The following CSMD1 variants were observed in gnomAD, a reference collection of about 807,000 sequenced individuals.
CSMD1 encodes the protein CUB and sushi domain-containing protein 1.
A neutral mutation model predicts 417.5 loss-of-function variants in CSMD1; 213 were observed. The ratio of observed to expected loss-of-function variants is 0.51; its 90% CI spans 0.46 to 0.57. The LOEUF is 0.57. CSMD1 is among the 20% of genes least tolerant of loss of function. The pLI, the probability that CSMD1 is intolerant of heterozygous loss-of-function variation, is 0.00. For synonymous variants in CSMD1, 2,862 were observed against 1,736.8 expected (o/e 1.65, Z -16.11); for missense variants, 6,923 against 4,529.7 (o/e 1.53, Z -15.17).
At chr8:4,133,076 C>T (rs1207856931) in intron 3 of CSMD1, among the ~76,000 whole-genome samples, 2 of 152,064 alleles carry the variant, frequency 1.3e-5, no homozygotes, top group Non-Finnish European at 2.9e-5. Context: ...GTTGGGACTA[C>T]AGGTGTACGC....
intron 3 of CSMD1, among the ~76,000 whole-genome samples, chr8:4,156,324 C>T (rs114481164): frequency 2.5e-4 from 38 of 152,162 alleles, no homozygotes; most frequent in African/African-American, 9.2e-4. Flanking sequence ...CTCTGAACGG[C>T]CGTGCAAAGT....
At chr8:4,118,992 C>T (rs543778487) in intron 3 of CSMD1, among the ~76,000 whole-genome samples, 197 of 152,150 alleles carry the variant, frequency 1.3e-3, no homozygotes, top group African/African-American at 3.3e-3. Context: ...AACACAAGAA[C>T]GGCAAACCAA....
intron 49 of CSMD1, among the ~76,000 whole-genome samples, chr8:3,058,531 G>A (rs1812385686): frequency 6.6e-6 from 1 of 152,282 alleles, no homozygotes; most frequent in South Asian, 2.1e-4. Context: ...CATATAAGGT[G>A]CTAAGACAGG....
At chr8:3,544,728 G>A (rs554160876) in intron 10 of CSMD1, among the ~76,000 whole-genome samples, 4 of 152,112 alleles carry the variant, frequency 2.6e-5, no homozygotes, top group African/African-American at 9.7e-5. Flanking sequence ...GGTTCAGGGA[G>A]ACCAGGATGC....
chr8:4,922,316 T>A (rs1806553208), intron 1 of CSMD1, among the ~76,000 whole-genome samples: 1 of 152,308 alleles, frequency 6.6e-6, no homozygotes, highest in South Asian at 2.1e-4. Flanking sequence ...TTACATAACC[T>A]ATCCCTGTCC....
intron 7 of CSMD1, among the ~76,000 whole-genome samples, chr8:3,622,289 G>C (rs1349837348): frequency 6.6e-6 from 1 of 152,158 alleles, no homozygotes; most frequent in Non-Finnish European, 1.5e-5. Flanking sequence ...TATTGCTGTG[G>C]CAAATTAAAA....
chr8:4,662,199 C>T (rs1032402850), intron 1 of CSMD1, among the ~76,000 whole-genome samples: 10 of 152,020 alleles, frequency 6.6e-5, no homozygotes, highest in Non-Finnish European at 1.5e-4. Context: ...GTCTAATAAC[C>T]TGACATGTTT....
rs1445640249 is a variant in CSMD1, at chr8:3,131,346, TAAAAGAAAA to T, written c.6241+11110_6241+11118del. Among the ~76,000 whole-genome samples the T allele has an allele frequency of 9.3e-5, 12 of 128,522 alleles. No homozygotes were observed. The East Asian group carries it at 1.6e-3, about 17-fold the overall frequency. The allele number at this position is 128,522 out of a possible 152,430, so 84.3% of individuals were successfully genotyped here. ...TACCCTAAAACTTAAAGTATAATAA[TAAAAGAAAA>T]AAAAGAAAAAATAAATAAATAAAAT... On this transcript the variant is annotated intron_variant, in intron 41 of 69. Coordinates refer to ENST00000635120, the MANE Select transcript of CSMD1 (RefSeq NM_033225.6).
chr8:3,510,370 C>T (rs1038393485), intron 10 of CSMD1, among the ~76,000 whole-genome samples: 1 of 151,844 alleles, frequency 6.6e-6, no homozygotes, highest in African/African-American at 2.4e-5. Flanking sequence ...AGAGAAAGCA[C>T]ATGGGTACTT....
chr8:4,015,677 A>AC (rs887558629), intron 4 of CSMD1, among the ~76,000 whole-genome samples: 1 of 151,188 alleles, frequency 6.6e-6, no homozygotes, highest in African/African-American at 2.4e-5. Flanking sequence ...AAAAAAAAAA[A>AC]AAAAAACTCA....
intron 52 of CSMD1, among the ~76,000 whole-genome samples, chr8:3,007,851 G>A (rs113909663): frequency 6.6e-6 from 1 of 151,502 alleles, no homozygotes; most frequent in Admixed American, 6.6e-5. Flanking sequence ...CAGTGCACCA[G>A]CATGGCACAT....
intron 3 of CSMD1, among the ~76,000 whole-genome samples, chr8:4,045,622 T>C (rs182514863): frequency 3.3e-5 from 5 of 152,298 alleles, no homozygotes; most frequent in East Asian, 3.9e-4. Flanking sequence ...AGCTGCAACA[T>C]AGAAAAGGGG....
Position 3,142,660 on chromosome 8 carries a change from A to G in CSMD1, c.6046T>C (p.Phe2016Leu), listed in dbSNP as rs1364384372. The G allele has an allele frequency of 6.2e-7, 1 of 1,612,272 alleles. No individual in the cohort carries two copies. Among genetic ancestry groups the G allele is most frequent in the African/African-American group, 1.3e-5 (1 of 74,896 alleles). Reference protein sequence around the residue: ...LPIGYGAHIQFLNFSTEANHD... With the variant: ...LPIGYGAHIQLLNFSTEANHD... ...TTAGCTTCGGTAGAAAAATTCAGAAACTGAATATGTGCACCTATGGAAAAA... is the reference window on the plus strand; with the variant it reads ...TTAGCTTCGGTAGAAAAATTCAGAAGCTGAATATGTGCACCTATGGAAAAA... The change falls in exon 41 of 70, where the codon TTT (phenylalanine) becomes CTT (leucine). Residue 2016 changes from phenylalanine to leucine, a missense_variant. Transcript: ENST00000635120.
chr8:4,152,803 C>A (rs764739899), intron 3 of CSMD1, among the ~76,000 whole-genome samples: 2 of 152,010 alleles, frequency 1.3e-5, no homozygotes, highest in Non-Finnish European at 2.9e-5. Context: ...GGAATATACA[C>A]ACATACACGT....
intron 1 of CSMD1, among the ~76,000 whole-genome samples, chr8:4,931,362 T>C (rs1045775072): frequency 3.9e-5 from 6 of 152,202 alleles, no homozygotes; most frequent in African/African-American, 1.4e-4. Flanking sequence ...TTAGGCATAA[T>C]CATGTAACTC....
chr8:3,929,886 C>G (rs1163903831), intron 5 of CSMD1, among the ~76,000 whole-genome samples: 1 of 150,020 alleles, frequency 6.7e-6, no homozygotes, highest in Non-Finnish European at 1.5e-5. Context: ...CATCTCCAAC[C>G]CCTGACCTCA....
chr8:3,835,702 A>C (rs1307964829), intron 5 of CSMD1, among the ~76,000 whole-genome samples: 1 of 136,662 alleles, frequency 7.3e-6, no homozygotes, highest in Admixed American at 7.7e-5. Flanking sequence ...CCTGAAACTT[A>C]AAGTATAATA....
intron 1 of CSMD1, among the ~76,000 whole-genome samples, chr8:4,722,771 T>C (rs1178936197): frequency 3.3e-5 from 5 of 152,184 alleles, no homozygotes; most frequent in Non-Finnish European, 7.4e-5. Flanking sequence ...TCACTTGAAC[T>C]CAACTACTTG....
intron 7 of CSMD1, among the ~76,000 whole-genome samples, chr8:3,698,048 T>C (rs1403421601): frequency 6.6e-6 from 1 of 152,164 alleles, no homozygotes; most frequent in African/African-American, 2.4e-5. Flanking sequence ...AGATCCTTTT[T>C]TTCTGTTTAT....
Sources: allele counts gnomAD v4.1 joint callset (sites outside exome capture counted in the v4.1 genomes callset), GRCh38; gene constraint gnomAD v4.1.1; transcripts MANE v1.5; gene names NCBI Gene and HGNC (gene_info 2026-07-23, HGNC 2026-07-21).